PLS1: variants seen among roughly 807,000 people sequenced by gnomAD.
PLS1 encodes plastin 1.
PLS1 carries 32 observed loss-of-function variants against 73.7 expected under a neutral mutation model. The ratio of observed to expected loss-of-function variants is 0.43; its 90% confidence interval spans 0.33 to 0.58. PLS1 has a LOEUF of 0.58. PLS1 is among the 20% of genes least tolerant of loss of function. PLS1 has a pLI of 0.04. For missense variants in PLS1, 633 were observed against 740.5 expected (o/e 0.85, Z 1.68); for synonymous variants, 217 against 261.3 (o/e 0.83, Z 1.63).
chr3:142,655,939 C>A (rs1359250154), intron 1 of PLS1, among the ~76,000 whole-genome samples: 1 of 152,004 alleles, frequency 6.6e-6, no homozygotes, highest in African/African-American at 2.4e-5. Flanking sequence ...CAAATCCAGG[C>A]TGTTGGCAAT....
In PLS1 at chr3:142,712,015, A is replaced by G; in HGVS notation, c.*8A>G. The G allele has an allele frequency of 6.2e-7, 1 of 1,611,826 alleles. No individual in the cohort carries two copies. Among genetic ancestry groups the G allele is most frequent in the Non-Finnish European group, 8.5e-7 (1 of 1,178,134 alleles). The stretch of plus-strand genomic sequence containing the variant: ...CTGAACAGAATAAAATAATCATTTC[A>G]TATGATTTTCTGCCACATTAAACAT... On this transcript the variant is annotated 3_prime_UTR_variant, in exon 16 of 16. Coordinates refer to ENST00000457734, the MANE Select transcript of PLS1 (RefSeq NM_001145319.2).
chr3:142,713,225 A>G lies in PLS1; in HGVS notation c.*1218A>G, dbSNP rs1933215462. On this transcript the variant is annotated 3_prime_UTR_variant, in exon 16 of 16. Coordinates refer to ENST00000457734, the MANE Select transcript of PLS1 (RefSeq NM_001145319.2). ...CATTAGTCCATTTCTGCTGCTAACA[A>G]TTGAATCCAGAAATCTACTTTCTCC... 6.6e-6 allele frequency: 1 copy of G among 152,608 alleles called. No homozygotes were observed. The highest frequency in any genetic ancestry group is 2.1e-4 in the South Asian group (1 of 4,832). 9.5% of individuals were successfully genotyped at this position (152,608 alleles called of 1,614,324 possible).
chr3:142,663,253 GACA>G (rs2037409759), intron 1 of PLS1, among the ~76,000 whole-genome samples: 1 of 152,088 alleles, frequency 6.6e-6, no homozygotes, highest in Admixed American at 6.6e-5. Flanking sequence ...GAAGGATAAA[GACA>G]ACAAAATTAT....
At chr3:142,606,448 T>G (rs1259807687) in intron 1 of PLS1, among the ~76,000 whole-genome samples, 1 of 152,240 alleles carries the variant, frequency 6.6e-6, no homozygotes, top group Non-Finnish European at 1.5e-5. Context: ...CACATGACAT[T>G]GTTTTTAAAA....
chr3:142,623,279 T>C (rs1437522572), intron 1 of PLS1: 1 of 152,240 alleles, frequency 6.6e-6, no homozygotes, highest in Non-Finnish European at 1.5e-5. Context: ...TCCCCAGCTA[T>C]AATCAAATAG....
At chr3:142,677,194 G>T (rs1400015173) in intron 5 of PLS1, among the ~76,000 whole-genome samples, 2 of 152,082 alleles carry the variant, frequency 1.3e-5, no homozygotes, top group Non-Finnish European at 2.9e-5. Flanking sequence ...ATTGGTCTTA[G>T]ATGAAATCTC....
At chr3:142,623,032 C>T (rs2036346304) in intron 1 of PLS1, among the ~76,000 whole-genome samples, 3 of 152,106 alleles carry the variant, frequency 2.0e-5, no homozygotes, top group Admixed American at 6.5e-5. Context: ...TATCATAGCA[C>T]GCTACAGCCT....
At chr3:142,660,154 GA>G (rs973340915) in intron 1 of PLS1, among the ~76,000 whole-genome samples, 2 of 151,294 alleles carry the variant, frequency 1.3e-5, no homozygotes, top group Non-Finnish European at 2.9e-5. Context: ...ACAGTTTCAG[GA>G]AAAAAAAGGC....
rs1367781425 is a variant in PLS1, at chr3:142,684,023, T to C, written c.597T>C (p.Ala199=). Residue 199 remains alanine (A), a synonymous_variant, in exon 7 of 16, where the codon GCT becomes GCC. Transcript: ENST00000457734. The part of the protein sequence containing the change: ...PFTISENLNL[A]LNSASAIGCT... ...CAATTCAGGAAAATTTAAACCTAGC[T>C]CTGAATTCTGCCTCAGCCATTGGTT... The C allele has an allele frequency of 2.5e-6, 4 of 1,608,764 alleles. No homozygotes were observed. Among genetic ancestry groups the C allele is most frequent in the Non-Finnish European group, 3.4e-6 (4 of 1,178,502 alleles).
At chr3:142,704,435 T>C in intron 13 of PLS1, 28 bp from the exon 14 acceptor site, 1 of 1,573,458 alleles carries the variant, frequency 6.4e-7, no homozygotes. Context: ...CCCTTTTCAG[T>C]CTCAAATATA....
intron 1 of PLS1, among the ~76,000 whole-genome samples, chr3:142,625,445 G>C (rs1197799779): frequency 6.6e-6 from 1 of 152,102 alleles, no homozygotes; most frequent in Non-Finnish European, 1.5e-5. Flanking sequence ...GGTGCTGTCA[G>C]AAGCCGCTAA....
chr3:142,692,036 A>G (rs2038095974), intron 10 of PLS1, among the ~76,000 whole-genome samples: 1 of 152,126 alleles, frequency 6.6e-6, no homozygotes, highest in African/African-American at 2.4e-5. Flanking sequence ...TTTTTCATAT[A>G]TAAAACAAGA....
intron 2 of PLS1, among the ~76,000 whole-genome samples, chr3:142,668,638 G>A (rs997530835): frequency 3.4e-5 from 5 of 146,288 alleles, no homozygotes; most frequent in Non-Finnish European, 7.5e-5. Flanking sequence ...GTCTCGCTTT[G>A]TTGCCCAGGG....
intron 1 of PLS1, among the ~76,000 whole-genome samples, chr3:142,638,535 T>C (rs2036754029): frequency 6.6e-6 from 1 of 152,154 alleles, no homozygotes; most frequent in South Asian, 2.1e-4. Flanking sequence ...GAATGGTGTT[T>C]AGCATGTGTC....
Position 142,712,812 on chromosome 3 carries a change from C to A in PLS1, c.*805C>A, listed in dbSNP as rs1202367264. 2 of 152,472 alleles carry A rather than the reference C, an allele frequency of 1.3e-5. No homozygotes were observed. Among genetic ancestry groups the A allele is most frequent in the East Asian group, 3.9e-4 (2 of 5,194 alleles). The allele number at this position is 152,472 out of a possible 1,614,324, so 9.4% of individuals were successfully genotyped here. On this transcript the variant is annotated 3_prime_UTR_variant, in exon 16 of 16. Transcript: ENST00000457734. ...TCATTCAGCCAACCATCAGTATTTT[C>A]CCCCCACAACATGTGTAACACTTTT...
intron 6 of PLS1, among the ~76,000 whole-genome samples, chr3:142,678,378 C>A (rs1033976250): frequency 2.2e-4 from 33 of 148,522 alleles, no homozygotes; most frequent in African/African-American, 7.4e-4. Flanking sequence ...CCCATTAACT[C>A]GTCATTTAGC....
chr3:142,668,915 T>C (rs919363698), intron 2 of PLS1, among the ~76,000 whole-genome samples: 19 of 152,146 alleles, frequency 1.2e-4, no homozygotes, highest in African/African-American at 4.3e-4. Context: ...CCCATGCTTA[T>C]TTCTTTGATG....
chr3:142,698,210 G>T, intron 12 of PLS1, 143 bp downstream of exon 12: 1 of 547,394 alleles, frequency 1.8e-6, no homozygotes, highest in Non-Finnish European at 3.2e-6. Context: ...CTTTTTACAA[G>T]TTTGCTTTAA....
chr3:142,603,978 C>G (rs891811674), intron 1 of PLS1, among the ~76,000 whole-genome samples: 1 of 151,444 alleles, frequency 6.6e-6, no homozygotes. Context: ...TGTCACTGAC[C>G]CAAAATATTA....
Sources: allele counts gnomAD v4.1 joint callset (sites outside exome capture counted in the v4.1 genomes callset), GRCh38; gene constraint gnomAD v4.1.1; transcripts MANE v1.5; gene names NCBI Gene and HGNC (gene_info 2026-07-23, HGNC 2026-07-21).